The following SYT14 variants were observed in gnomAD, a reference collection of about 807,000 sequenced individuals.
SYT14 encodes the protein synaptotagmin-14.
SYT14 carries 32 observed loss-of-function variants against 74.2 expected under a neutral mutation model. That is an observed-to-expected ratio of 0.43 (90% CI 0.33 to 0.58). The LOEUF (loss-of-function observed/expected upper bound fraction) is 0.58, where lower values mean the gene tolerates loss of function less well. SYT14 is among the 20% of genes least tolerant of loss of function. The pLI is 0.05. For missense variants in SYT14, 791 were observed against 981.8 expected (o/e 0.81, Z 2.60); for synonymous variants, 298 against 337.7 (o/e 0.88, Z 1.29).
At chr1:209,982,939 A>G (rs1410698272) in intron 2 of SYT14, among the ~76,000 whole-genome samples, 1 of 152,042 alleles carries the variant, frequency 6.6e-6, no homozygotes, top group Non-Finnish European at 1.5e-5. Flanking sequence ...CATTACCCTG[A>G]TAACAGATGT....
At chr1:210,069,467 C>G (rs2081354822) in intron 5 of SYT14, among the ~76,000 whole-genome samples, 1 of 151,910 alleles carries the variant, frequency 6.6e-6, no homozygotes, top group African/African-American at 2.4e-5. Flanking sequence ...TTATAAGGGA[C>G]TTACATGTTT....
chr1:210,077,441 A>G (rs1235304826), intron 5 of SYT14, among the ~76,000 whole-genome samples: 1 of 152,240 alleles, frequency 6.6e-6, no homozygotes, highest in Non-Finnish European at 1.5e-5. Flanking sequence ...CAATTGCCAA[A>G]TAGTATTAAA....
At chr1:209,938,337 G>A in intron 1 of SYT14, 60 bp downstream of exon 1, 1 of 1,511,820 alleles carries the variant, frequency 6.6e-7, no homozygotes, top group Non-Finnish European at 8.9e-7. Context: ...CGGGGGGCTC[G>A]GAGGTGCGCC....
chr1:210,044,212 T>G, intron 5 of SYT14, among the ~76,000 whole-genome samples: 1 of 152,196 alleles, frequency 6.6e-6, no homozygotes, highest in South Asian at 2.1e-4. Context: ...GGCTTAGTTT[T>G]TTAATCATTT....
intron 7 of SYT14, among the ~76,000 whole-genome samples, chr1:210,116,569 A>G (rs986581636): frequency 2.6e-5 from 4 of 151,438 alleles, no homozygotes; most frequent in Non-Finnish European, 4.4e-5. Context: ...CTGGTCTCAA[A>G]CTCCTGACTT....
chr1:210,168,693 G>A (rs1448920504), exon 10 of SYT14: 1 of 152,084 alleles, frequency 6.6e-6, no homozygotes, highest in African/African-American at 2.4e-5. Context: ...ACATCTGGTT[G>A]AAGGTGGATG....
At chr1:210,042,582 A>T (rs1457521989) in intron 5 of SYT14, among the ~76,000 whole-genome samples, 2 of 152,168 alleles carry the variant, frequency 1.3e-5, no homozygotes, top group African/African-American at 4.8e-5. Flanking sequence ...GCTTATGGCT[A>T]GCCAGTTTTC....
At chr1:210,064,543 T>C (rs2081263059) in intron 5 of SYT14, among the ~76,000 whole-genome samples, 1 of 152,088 alleles carries the variant, frequency 6.6e-6, no homozygotes, top group Non-Finnish European at 1.5e-5. Context: ...CTGTGTTTGG[T>C]TTATTTCATT....
At chr1:210,057,486 G>T (rs779352481) in intron 5 of SYT14, among the ~76,000 whole-genome samples, 2 of 152,130 alleles carry the variant, frequency 1.3e-5, no homozygotes, top group Non-Finnish European at 2.9e-5. Flanking sequence ...GGTTGCTTTG[G>T]ATATTCTTTT....
intron 7 of SYT14, among the ~76,000 whole-genome samples, chr1:210,133,305 C>T (rs1018774333): frequency 2.0e-5 from 3 of 152,188 alleles, no homozygotes; most frequent in Admixed American, 6.5e-5. Context: ...TTCTTCAACA[C>T]TTATTATTCC....
chr1:210,098,121 G>A (rs2081997729), intron 6 of SYT14, among the ~76,000 whole-genome samples: 1 of 151,620 alleles, frequency 6.6e-6, no homozygotes, highest in Non-Finnish European at 1.5e-5. Flanking sequence ...GCTGCAGTGA[G>A]CCATGATTGT....
chr1:210,149,151 C>A (rs901663136), intron 7 of SYT14, among the ~76,000 whole-genome samples: 3 of 148,800 alleles, frequency 2.0e-5, no homozygotes, highest in Admixed American at 6.7e-5. Flanking sequence ...TATATACATA[C>A]ATATACATAA....
At chr1:210,069,674 T>C (rs1416105984) in intron 5 of SYT14, among the ~76,000 whole-genome samples, 3 of 152,070 alleles carry the variant, frequency 2.0e-5, no homozygotes, top group Admixed American at 2.0e-4. Flanking sequence ...TATTCTTAAT[T>C]ATAAGTGTAT....
intron 5 of SYT14, among the ~76,000 whole-genome samples, chr1:210,031,089 C>CTTTTTTT (rs35900057): frequency 9.6e-6 from 1 of 104,328 alleles, no homozygotes; most frequent in African/African-American, 3.7e-5. Context: ...CCATGCCTGT[C>CTTTTTTT]TTTTTTTTTT....
At chr1:210,147,751 CAG>C (rs905577521) in intron 7 of SYT14, among the ~76,000 whole-genome samples, 7 of 152,040 alleles carry the variant, frequency 4.6e-5, no homozygotes, top group Non-Finnish European at 5.9e-5. Flanking sequence ...GAGGGAAAAA[CAG>C]GGTAAGCAGA....
At chr1:209,983,907 C>T (rs1011522371) in intron 2 of SYT14, among the ~76,000 whole-genome samples, 2 of 152,120 alleles carry the variant, frequency 1.3e-5, no homozygotes, top group Admixed American at 6.5e-5. Context: ...ATTTAGTGAC[C>T]TCCCCAGACT....
chr1:209,957,688 A>G (rs1282435934), intron 2 of SYT14, among the ~76,000 whole-genome samples: 1 of 152,032 alleles, frequency 6.6e-6, no homozygotes, highest in Non-Finnish European at 1.5e-5. Flanking sequence ...CAGCCTCCCA[A>G]AGTGCTGGGA....
intron 5 of SYT14, among the ~76,000 whole-genome samples, chr1:210,060,891 C>T (rs846559): frequency 0.57 from 86,262 of 151,792 alleles, 26,584 homozygotes; most frequent in African/African-American, 0.81. Flanking sequence ...TGATCAACAG[C>T]GTTATCTATA....
chr1:209,998,390 C>T (rs2079835471), intron 2 of SYT14, among the ~76,000 whole-genome samples: 1 of 151,942 alleles, frequency 6.6e-6, no homozygotes, highest in Non-Finnish European at 1.5e-5. Flanking sequence ...GTGGTCTACA[C>T]ATTCAGTGCA....
Sources: gnomAD v4.1 joint callset for allele counts (sites outside exome capture counted in the v4.1 genomes callset) on GRCh38, gnomAD v4.1.1 for gene constraint, MANE v1.5 for transcripts, NCBI Gene and HGNC (gene_info 2026-07-23, HGNC 2026-07-21) for gene names.